SMG1: variants seen among roughly 807,000 people sequenced by gnomAD.
SMG1 encodes the protein serine/threonine-protein kinase SMG1.
SMG1 carries 22 observed loss-of-function variants against 419.9 expected under a neutral mutation model. That is an observed-to-expected ratio of 0.05 (90% CI 0.04 to 0.07). The LOEUF (loss-of-function observed/expected upper bound fraction) is 0.07. SMG1 is among the 10% of genes least tolerant of loss of function. The pLI is 1.00. For missense variants in SMG1, 3,185 were observed against 4,342.0 expected (o/e 0.73, Z 7.49); for synonymous variants, 1,538 against 1,553.5 (o/e 0.99, Z 0.23).
intron 38 of SMG1, 43 bp downstream of exon 38, chr16:18,847,410 A>C: frequency 6.2e-7 from 1 of 1,603,570 alleles, no homozygotes; most frequent in Non-Finnish European, 8.5e-7. Flanking sequence ...TTTGAAACAA[A>C]GTGGCAGCTT....
intron 46 of SMG1, among the ~76,000 whole-genome samples, chr16:18,836,912 T>C (rs951544001): frequency 2.0e-4 from 31 of 152,148 alleles, no homozygotes; most frequent in African/African-American, 6.8e-4. Context: ...CTTAGTGAGG[T>C]AGATGAAGTA....
intron 33 of SMG1, among the ~76,000 whole-genome samples, chr16:18,851,705 G>C (rs1383993559): frequency 1.3e-5 from 2 of 152,060 alleles, no homozygotes; most frequent in Non-Finnish European, 2.9e-5. Context: ...ACCACACCCT[G>C]CTAATTTTTG....
chr16:18,893,783 C>A (rs960259255), intron 3 of SMG1, among the ~76,000 whole-genome samples: 18 of 151,984 alleles, frequency 1.2e-4, no homozygotes, highest in African/African-American at 4.1e-4. Context: ...GAAGGCTGGG[C>A]ATGGTGGCTC....
rs2030887575 is a variant in SMG1 at position 18,806,907 on chromosome 16, T to C, written c.*2662A>G. The C allele has an allele frequency of 6.6e-6, 1 of 152,232 alleles. No homozygotes were observed. The highest frequency in any genetic ancestry group is 6.5e-5 in the Admixed American group (1 of 15,286). 9.4% of individuals were successfully genotyped at this position (152,232 alleles called of 1,614,324 possible). ...ACGAAAGTTCAAATGGCAAGTCACC[T>C]TGTAGAATGACTTAACAGAGGAAGC... On this transcript the variant is annotated 3_prime_UTR_variant, in exon 63 of 63. Coordinates refer to ENST00000446231, the MANE Select transcript of SMG1 (RefSeq NM_015092.5).
chr16:18,829,154 G>A, intron 54 of SMG1, 132 bp downstream of exon 54: 1 of 671,382 alleles, frequency 1.5e-6, no homozygotes, highest in Non-Finnish European at 2.5e-6. Flanking sequence ...AAATGCTATG[G>A]TGTGTTTGCA....
chr16:18,873,074 A>G (rs62046321), intron 13 of SMG1, among the ~76,000 whole-genome samples: 27,909 of 151,750 alleles, frequency 0.18, 2,649 homozygotes, highest in Middle Eastern at 0.26. Flanking sequence ...GAATCGCTTG[A>G]ACCTGGGAGG....
In SMG1 at chr16:18,837,462, AT is replaced by A; in HGVS notation, c.7414-20del. The A allele has an allele frequency of 6.2e-7, 1 of 1,602,348 alleles. No homozygotes were observed. ...AGTTCACCTGTAAAAAGATATTACG[AT>A]TAAGAAGACTCTTACAGGGCCAATT... On this transcript the variant is annotated intron_variant, in intron 45 of 62. Coordinates refer to ENST00000446231, the MANE Select transcript of SMG1 (RefSeq NM_015092.5).
At position 18,853,707 on chromosome 16, in the gene SMG1, T is replaced by G. The variant is rs766381725; in HGVS notation, c.4644A>C (p.Arg1548Ser). Reference sequence around the variant, plus strand: ...CTGTGAAGTTCTGTTGGTGCTGAGCTCTGTAAACCTGTTTCAGCTGTCCTG... The same window carrying G: ...CTGTGAAGTTCTGTTGGTGCTGAGCGCTGTAAACCTGTTTCAGCTGTCCTG... ...EISGQLKQVY[R>S]AQHQQNFTGL... is the part of the protein sequence containing the mutation. The change falls in exon 31 of 63, where the codon AGA becomes AGC. Residue 1548 changes from arginine to serine, a missense_variant. Around this residue, in one of 27 missense-constraint regions of SMG1, gnomAD observed 493 missense variants for 552.9 expected, o/e 0.89. Transcript: ENST00000446231. 6.2e-7 allele frequency: 1 copy of G among 1,613,938 alleles called. No homozygotes were observed. Among genetic ancestry groups the G allele is most frequent in the South Asian group, 1.1e-5 (1 of 91,052 alleles).
chr16:18,852,140 G>A lies in SMG1; in HGVS notation c.4979C>T (p.Thr1660Ile). ...TCTCTCTTTCTCTTCCTCAGTTATAGTGTCTGGAAGTAGATTCTGAACTTC... is the reference window on the plus strand; with the variant it reads ...TCTCTCTTTCTCTTCCTCAGTTATAATGTCTGGAAGTAGATTCTGAACTTC... ...KSEVQNLLPDTITEEEKERIY... is the reference protein window; with the variant it reads ...KSEVQNLLPDIITEEEKERIY... Residue 1660 changes from threonine (T) to isoleucine (I), a missense_variant, in exon 33 of 63, where the codon ACT (threonine) becomes ATT (isoleucine). Thr to Ile is a moderately conservative substitution (Grantham distance 89). Coordinates refer to ENST00000446231, the MANE Select transcript of SMG1 (RefSeq NM_015092.5). The A allele has an allele frequency of 1.9e-6, 3 of 1,613,828 alleles. No homozygotes were observed. Among genetic ancestry groups the A allele is most frequent in the Non-Finnish European group, 2.5e-6 (3 of 1,179,838 alleles).
intron 42 of SMG1, 25 bp from the exon 43 acceptor site, chr16:18,838,714 C>A (rs770397541): frequency 1.8e-5 from 26 of 1,470,938 alleles, no homozygotes; most frequent in African/African-American, 9.9e-5. Flanking sequence ...ATGGGGGCAG[C>A]AAGTGAAACA....
intron 39 of SMG1, 28 bp downstream of exon 39, chr16:18,845,401 C>G: frequency 6.3e-7 from 1 of 1,585,014 alleles, no homozygotes. Context: ...TGTGCCATTT[C>G]AGTAGCATGC....
intron 1 of SMG1, among the ~76,000 whole-genome samples, chr16:18,922,514 G>A (rs2038235346): frequency 1.3e-5 from 2 of 152,162 alleles, no homozygotes; most frequent in Admixed American, 6.5e-5. Context: ...TGCCCAGGCT[G>A]GAGTGCAGTG....
rs2033546190 is a variant in SMG1 at position 18,836,038 on chromosome 16, T to C, written c.7952A>G (p.Tyr2651Cys). 1 of 1,590,930 alleles carries C rather than the reference T, an allele frequency of 6.3e-7. No individual in the cohort carries two copies. Among genetic ancestry groups the C allele is most frequent in the Non-Finnish European group, 8.6e-7 (1 of 1,168,518 alleles). Residue 2651 changes from tyrosine (Y) to cysteine (C), a missense_variant, in exon 48 of 63, where the codon TAT (tyrosine) becomes TGT (cysteine). Transcript: ENST00000446231. ...ATGTTTCTGAAATATGGCCTTCGGA[T>C]ACTGCAGGGCCACGGTTGCATAGTG... ...LHHYATVALQ[Y>C]PKAIFQKHRI...
At chr16:18,914,612 C>T (rs1183920470) in intron 1 of SMG1, among the ~76,000 whole-genome samples, 1 of 151,974 alleles carries the variant, frequency 6.6e-6, no homozygotes, top group East Asian at 2.0e-4. Context: ...TGAACCCAGG[C>T]GGCAGAGTTT....
intron 55 of SMG1, among the ~76,000 whole-genome samples, chr16:18,820,112 C>G (rs34535781): frequency 0.022 from 3,386 of 152,212 alleles, 60 homozygotes; most frequent in Non-Finnish European, 0.035. Flanking sequence ...ACTACAGGCA[C>G]CTGCCATCGT....
At chr16:18,887,226 G>T (rs2036648199) in intron 6 of SMG1, among the ~76,000 whole-genome samples, 1 of 152,116 alleles carries the variant, frequency 6.6e-6, no homozygotes, top group Non-Finnish European at 1.5e-5. Flanking sequence ...CACAAGAGCT[G>T]GGAAAATGTT....
intron 1 of SMG1, among the ~76,000 whole-genome samples, chr16:18,919,657 TACACACAC>T (rs368125844): frequency 0.026 from 3,218 of 125,624 alleles, 79 homozygotes; most frequent in East Asian, 0.072. Flanking sequence ...TGTGTATATA[TACACACAC>T]ACACACACAC....
At chr16:18,885,335 G>GA in intron 7 of SMG1, 173 bp from the exon 8 acceptor site, 1 of 693,600 alleles carries the variant, frequency 1.4e-6, no homozygotes, top group Non-Finnish European at 2.4e-6. Flanking sequence ...CTACATTTCT[G>GA]ACAACAATGA....
Position 18,835,073 on chromosome 16 carries a change from T to C in SMG1, c.8149A>G (p.Ile2717Val), listed in dbSNP as rs184188214. ...EMTLQRYAAD[I>V]NSRLIRQVER... ...ACTTGTCTAATAAGTCTGCTGTTGA[T>C]GTCTGCTGCGTATCGCTGCAGGGTC... Residue 2717 changes from isoleucine to valine, a missense_variant, in exon 49 of 63, where the codon ATC becomes GTC. Coordinates refer to ENST00000446231, the MANE Select transcript of SMG1 (RefSeq NM_015092.5). 622 of 1,614,016 alleles carry C rather than the reference T, an allele frequency of 3.9e-4. 2 individuals carry two copies. The African/African-American group carries it at 7.3e-3, about 19-fold the overall frequency.
Sources: allele counts gnomAD v4.1 joint callset (sites outside exome capture counted in the v4.1 genomes callset), GRCh38; gene constraint gnomAD v4.1.1; regional missense constraint gnomAD v4.1.1; transcripts MANE v1.5; gene names NCBI Gene and HGNC (gene_info 2026-07-23, HGNC 2026-07-21).